The following ANGPT1 variants were observed in gnomAD, a reference collection of about 807,000 sequenced individuals.
The protein encoded by ANGPT1 is angiopoietin 1.
A neutral mutation model predicts 62.2 loss-of-function variants in ANGPT1; 17 were observed. The observed-to-expected ratio is 0.27, with a 90% CI of 0.19 to 0.41. ANGPT1 has a LOEUF of 0.41. ANGPT1 is among the 10% of genes least tolerant of loss of function. ANGPT1 has a pLI of 1.00. For missense variants in ANGPT1, 478 were observed against 594.9 expected (o/e 0.80, Z 2.04); for synonymous variants, 199 against 198.9 (o/e 1.00, Z 0.00).
At chr8:107,304,894 CTAAT>C (rs557875602) in intron 4 of ANGPT1, among the ~76,000 whole-genome samples, 4 of 151,860 alleles carry the variant, frequency 2.6e-5, no homozygotes, top group Admixed American at 2.6e-4. Context: ...AATAAATCAA[CTAAT>C]TAAAGGGCTA....
intron 5 of ANGPT1, among the ~76,000 whole-genome samples, chr8:107,295,769 C>T (rs1372466892): frequency 2.0e-5 from 3 of 151,966 alleles, no homozygotes; most frequent in Non-Finnish European, 2.9e-5. Context: ...TCGAGCACTT[C>T]GAGATGATCT....
At chr8:107,401,061 T>C (rs1356906448) in intron 1 of ANGPT1, among the ~76,000 whole-genome samples, 2 of 152,184 alleles carry the variant, frequency 1.3e-5, no homozygotes, top group African/African-American at 4.8e-5. Flanking sequence ...TGGAAATGTG[T>C]TCCTGGTGCT....
intron 1 of ANGPT1, among the ~76,000 whole-genome samples, chr8:107,413,260 T>C (rs908615974): frequency 1.4e-4 from 21 of 152,262 alleles, no homozygotes; most frequent in African/African-American, 4.8e-4. Flanking sequence ...CACATTAAAT[T>C]TGACTTCGTG....
chr8:107,406,380 A>G (rs1260352496), intron 1 of ANGPT1, among the ~76,000 whole-genome samples: 1 of 152,040 alleles, frequency 6.6e-6, no homozygotes, highest in Non-Finnish European at 1.5e-5. Flanking sequence ...ATGCATGACA[A>G]TAGGCATTAA....
chr8:107,491,298 A>G (rs1339372356), intron 1 of ANGPT1, among the ~76,000 whole-genome samples: 1 of 152,222 alleles, frequency 6.6e-6, no homozygotes, highest in African/African-American at 2.4e-5. Flanking sequence ...TCTTCTAGGT[A>G]GAAGGTATAC....
rs533920715 is a variant in ANGPT1 at position 107,297,768 on chromosome 8, T to TAC, written c.937-3733_937-3732dup. Among the ~76,000 whole-genome samples, 365 of 142,706 alleles carry TAC rather than the reference T, an allele frequency of 2.6e-3. 2 individuals carry two copies. The highest frequency in any genetic ancestry group is 5.9e-3 in the African/African-American group (234 of 39,564). 93.6% of individuals were successfully genotyped at this position (142,706 alleles called of 152,430 possible). ...TTATGTATGCATATATATATATATA[T>TAC]ACACACACACACGCATACATATATC... On this transcript the variant is annotated intron_variant, in intron 5 of 8. Transcript: ENST00000517746.
At chr8:107,437,100 C>T (rs777183666) in intron 1 of ANGPT1, among the ~76,000 whole-genome samples, 9 of 152,218 alleles carry the variant, frequency 5.9e-5, no homozygotes, top group Non-Finnish European at 1.3e-4. Context: ...GGTGAGGTTA[C>T]ATTTCCAGGA....
At chr8:107,257,926 T>TTCAC in intron 8 of ANGPT1, among the ~76,000 whole-genome samples, 1 of 122,014 alleles carries the variant, frequency 8.2e-6, no homozygotes, top group South Asian at 2.9e-4. Flanking sequence ...TGTTCTTTCT[T>TTCAC]TCTCTCTCTC....
intron 4 of ANGPT1, among the ~76,000 whole-genome samples, chr8:107,304,870 C>T (rs187445833): frequency 6.6e-6 from 1 of 151,744 alleles, no homozygotes; most frequent in Non-Finnish European, 1.5e-5. Flanking sequence ...ATCACAATTG[C>T]CATGTCAACA....
intron 8 of ANGPT1, among the ~76,000 whole-genome samples, chr8:107,254,944 A>G (rs1013461118): frequency 6.6e-6 from 1 of 152,096 alleles, no homozygotes; most frequent in Non-Finnish European, 1.5e-5. Context: ...CTCATTCTCT[A>G]CGATCTTCCA....
chr8:107,281,458 G>A (rs1177666204), intron 7 of ANGPT1, among the ~76,000 whole-genome samples: 1 of 152,100 alleles, frequency 6.6e-6, no homozygotes, highest in Admixed American at 6.6e-5. Context: ...CAAGTCAACT[G>A]ACCAAAACCT....
intron 1 of ANGPT1, among the ~76,000 whole-genome samples, chr8:107,430,851 A>G (rs1276294191): frequency 6.6e-6 from 1 of 152,252 alleles, no homozygotes; most frequent in East Asian, 1.9e-4. Context: ...CAGCAATATG[A>G]AACAGCAATA....
chr8:107,268,642 A>G (rs1813670292), intron 7 of ANGPT1, among the ~76,000 whole-genome samples: 1 of 152,140 alleles, frequency 6.6e-6, no homozygotes, highest in Non-Finnish European at 1.5e-5. Context: ...CCAACTGAAA[A>G]CAATTTGAAA....
chr8:107,254,208 A>G (rs1175007532), intron 8 of ANGPT1, among the ~76,000 whole-genome samples: 1 of 152,076 alleles, frequency 6.6e-6, no homozygotes, highest in East Asian at 1.9e-4. Flanking sequence ...GCTTACTAAA[A>G]TGCTGTATTT....
intron 1 of ANGPT1, among the ~76,000 whole-genome samples, chr8:107,394,111 T>A (rs1319337680): frequency 2.0e-5 from 3 of 152,154 alleles, no homozygotes; most frequent in Non-Finnish European, 4.4e-5. Context: ...CTGTGAAAGA[T>A]ACCGGTATTT....
rs1815801506 is a variant in ANGPT1 at position 107,346,252 on chromosome 8, T to C, written c.453+690A>G. ...AACTACATTGGGATAGAATCATCCC[T>C]TGGGTTTCAGAATGGTAACTGGAAT... On this transcript the variant is annotated intron_variant, in intron 2 of 8. Transcript: ENST00000517746. Among the ~76,000 whole-genome samples, 4 of 152,166 alleles carry C rather than the reference T, an allele frequency of 2.6e-5. No individual in the cohort carries two copies. In the South Asian group the frequency reaches 8.3e-4, roughly 31 times the overall value.
chr8:107,382,986 G>T (rs1381820871), intron 1 of ANGPT1, among the ~76,000 whole-genome samples: 1 of 152,128 alleles, frequency 6.6e-6, no homozygotes, highest in Non-Finnish European at 1.5e-5. Context: ...GCAGGCACTG[G>T]TATTTGCTGA....
intron 6 of ANGPT1, among the ~76,000 whole-genome samples, chr8:107,287,416 G>A (rs951723164): frequency 6.6e-6 from 1 of 152,122 alleles, no homozygotes; most frequent in Admixed American, 6.6e-5. Context: ...TAAAAAGAAC[G>A]CAGTATAATT....
At chr8:107,428,435 TA>T (rs1321853469) in intron 1 of ANGPT1, among the ~76,000 whole-genome samples, 2 of 152,172 alleles carry the variant, frequency 1.3e-5, no homozygotes, top group African/African-American at 4.8e-5. Context: ...TATCCTATCC[TA>T]AAAGACCCAT....
Sources: allele counts gnomAD v4.1 joint callset (sites outside exome capture counted in the v4.1 genomes callset), GRCh38; gene constraint gnomAD v4.1.1; transcripts MANE v1.5; gene names NCBI Gene and HGNC (gene_info 2026-07-23, HGNC 2026-07-21).